Variants in C19orf18 observed in about 807,000 individuals in gnomAD.
The protein encoded by C19orf18 is uncharacterized protein C19orf18.
In C19orf18, 21 loss-of-function variants were observed where a neutral mutation model predicts 23.3. The ratio of observed to expected loss-of-function variants is 0.90; its 90% CI spans 0.64 to 1.30. The LOEUF is 1.30. Ranked by LOEUF, C19orf18 falls within the 50% of genes most tolerant of loss-of-function variation. The probability of loss-of-function intolerance (pLI) is 0.00; values close to 1 mark genes in which losing one functional copy is unlikely to be tolerated. For synonymous variants in C19orf18, 96 were observed against 95.2 expected (o/e 1.01, Z -0.05); for missense variants, 249 against 259.6 (o/e 0.96, Z 0.28).
chr19:57,974,279 CCT>C (rs765627673), intron 1 of C19orf18, 31 bp downstream of exon 1: 216 of 1,613,704 alleles, frequency 1.3e-4, no homozygotes, highest in Non-Finnish European at 1.7e-4. Context: ...TTCAATTCTC[CCT>C]GAGTCACATA....
intron 3 of C19orf18, among the ~76,000 whole-genome samples, chr19:57,969,223 A>G (rs991941932): frequency 6.6e-5 from 10 of 152,132 alleles, no homozygotes; most frequent in Admixed American, 6.6e-4. Context: ...ATAACTGATT[A>G]AAATAAATCC....
At chr19:57,966,171 G>C (rs1054148689) in intron 4 of C19orf18, among the ~76,000 whole-genome samples, 9 of 151,926 alleles carry the variant, frequency 5.9e-5, no homozygotes, top group African/African-American at 2.2e-4. Flanking sequence ...TAGATACGGG[G>C]TTTCACCGTG....
chr19:57,964,992 T>C (rs945871348), intron 4 of C19orf18, among the ~76,000 whole-genome samples: 4 of 152,174 alleles, frequency 2.6e-5, no homozygotes, highest in Non-Finnish European at 4.4e-5. Context: ...AAGACGGTGA[T>C]GTAACTTCCC....
At chr19:57,960,730 C>T (rs2123216740) in intron 5 of C19orf18, among the ~76,000 whole-genome samples, 1 of 152,286 alleles carries the variant, frequency 6.6e-6, no homozygotes, top group Middle Eastern at 3.4e-3. Context: ...TCTGTTAGAT[C>T]CGTGGAATTG....
Position 57,974,187 on chromosome 19 carries a change from T to C in C19orf18, c.138A>G (p.Gln46=). The change falls in exon 2 of 6, where the codon CAA becomes CAG. Residue 46 remains glutamine (Q), a synonymous_variant. Transcript: ENST00000314391. ...ITGLPGSKRS[Q]PPRNITKEPK... The stretch of plus-strand genomic sequence containing the variant: ...GCTCTTTGGTGATGTTTCTGGGTGG[T>C]TGTGACCGTTTACTGCCTTGAAAAG... The C allele has an allele frequency of 5.6e-6, 9 of 1,614,132 alleles. No individual in the cohort carries two copies. Among genetic ancestry groups the C allele is most frequent in the Non-Finnish European group, 7.6e-6 (9 of 1,180,016 alleles).
chr19:57,966,755 CTTGTTTTGTTTTTTT>C (rs1378634963), intron 3 of C19orf18, 123 bp from the exon 4 acceptor site: 5 of 629,938 alleles, frequency 7.9e-6, no homozygotes, highest in Non-Finnish European at 2.6e-6. Flanking sequence ...TCAAAAATAG[CTTGTTTTGTTTTTTT>C]TTGTTTTGTT....
chr19:57,971,814 T>C (rs1017592093), intron 3 of C19orf18, among the ~76,000 whole-genome samples: 7 of 152,152 alleles, frequency 4.6e-5, no homozygotes, highest in African/African-American at 1.7e-4. Flanking sequence ...TCCCTTTGCC[T>C]TCTGATAGAC....
intron 3 of C19orf18, among the ~76,000 whole-genome samples, chr19:57,969,069 G>C (rs2072926413): frequency 6.6e-6 from 1 of 152,232 alleles, no homozygotes; most frequent in South Asian, 2.1e-4. Flanking sequence ...AGTAGAGGCG[G>C]GGACCTTGCT....
chr19:57,972,439 G>C (rs201797138), intron 3 of C19orf18, 24 bp downstream of exon 3: 8 of 1,611,048 alleles, frequency 5.0e-6, no homozygotes, highest in Non-Finnish European at 6.8e-6. Context: ...GGGTCCACCC[G>C]CCCTCCCAGA....
At chr19:57,970,911 C>T (rs2072940456) in intron 3 of C19orf18, among the ~76,000 whole-genome samples, 1 of 152,136 alleles carries the variant, frequency 6.6e-6, no homozygotes, top group Non-Finnish European at 1.5e-5. Flanking sequence ...ATCCTACCTA[C>T]AACTGGGACC....
intron 3 of C19orf18, among the ~76,000 whole-genome samples, chr19:57,971,583 G>A (rs945745083): frequency 3.9e-5 from 6 of 152,076 alleles, no homozygotes; most frequent in African/African-American, 1.4e-4. Flanking sequence ...CGATTCTCCC[G>A]CCTCAGCCTC....
intron 5 of C19orf18, among the ~76,000 whole-genome samples, chr19:57,959,827 A>T (rs966778766): frequency 1.3e-5 from 2 of 148,306 alleles, no homozygotes; most frequent in African/African-American, 5.0e-5. Flanking sequence ...AAGAAAAAAA[A>T]GGCCAGGAGC....
Position 57,958,637 on chromosome 19 carries a change from T to G in C19orf18, c.613A>C (p.Asn205His). 7 of 1,609,030 alleles carry G rather than the reference T, an allele frequency of 4.4e-6. No individual in the cohort carries two copies. The highest frequency in any genetic ancestry group is 5.9e-6 in the Non-Finnish European group (7 of 1,178,154). The change falls in exon 6 of 6, where the codon AAT (asparagine) becomes CAT (histidine). Residue 205 changes from asparagine to histidine, a missense_variant. Transcript: ENST00000314391. Reference sequence around the variant, plus strand: ...TCCATTTTTCCATTATGTGACGCATTCTTTGTTTTGTTTTCTGTTACTGAG... The same window carrying G: ...TCCATTTTTCCATTATGTGACGCATGCTTTGTTTTGTTTTCTGTTACTGAG... ...QNSVTENKTK[N>H]ASHNGKMEDL
chr19:57,967,640 T>C (rs1396884457), intron 3 of C19orf18, among the ~76,000 whole-genome samples: 2 of 151,934 alleles, frequency 1.3e-5, no homozygotes, highest in African/African-American at 4.8e-5. Flanking sequence ...TAATCCCAGC[T>C]ACTCAGGAGG....
chr19:57,973,390 C>T (rs1457376373), intron 2 of C19orf18, among the ~76,000 whole-genome samples: 1 of 151,732 alleles, frequency 6.6e-6, no homozygotes, highest in Non-Finnish European at 1.5e-5. Context: ...AAACAAACAT[C>T]CTCTAGTACT....
At chr19:57,961,266 G>T (rs1447403892) in intron 5 of C19orf18, 125 bp downstream of exon 5, 6 of 1,053,160 alleles carry the variant, frequency 5.7e-6, no homozygotes, top group Non-Finnish European at 8.1e-6. Flanking sequence ...AAGGAAGGAA[G>T]AAAGAAAGAA....
intron 5 of C19orf18, among the ~76,000 whole-genome samples, chr19:57,959,630 G>T (rs943759699): frequency 6.7e-6 from 1 of 149,822 alleles, no homozygotes; most frequent in Non-Finnish European, 1.5e-5. Flanking sequence ...ATCTCAAAAA[G>T]AAACCACAAA....
intron 5 of C19orf18, 124 bp downstream of exon 5, chr19:57,961,267 A>AAGG (rs1568565701): frequency 4.7e-6 from 4 of 859,644 alleles, no homozygotes; most frequent in Non-Finnish European, 5.1e-6. Context: ...AGGAAGGAAG[A>AAGG]AAGAAAGAAA....
At chr19:57,967,349 T>G (rs2072916035) in intron 3 of C19orf18, among the ~76,000 whole-genome samples, 1 of 152,244 alleles carries the variant, frequency 6.6e-6, no homozygotes, top group Admixed American at 6.5e-5. Flanking sequence ...TTTTAACATG[T>G]GAACACTGGC....
Sources: allele counts gnomAD v4.1 joint callset (sites outside exome capture counted in the v4.1 genomes callset), GRCh38; gene constraint gnomAD v4.1.1; transcripts MANE v1.5; gene names NCBI Gene and HGNC (gene_info 2026-07-23, HGNC 2026-07-21).